Variants in SCAPER observed in about 807,000 individuals in gnomAD.
SCAPER encodes the protein S phase cyclin A-associated protein in the endoplasmic reticulum.
In SCAPER, 98 loss-of-function variants were observed where a neutral mutation model predicts 182.2. The observed-to-expected ratio is 0.54, with a 90% CI of 0.46 to 0.64. The LOEUF (loss-of-function observed/expected upper bound fraction) is 0.64. Among genes scored for constraint, SCAPER ranks in the 30% least tolerant of loss-of-function variants. The probability of loss-of-function intolerance (pLI) is 0.00; values close to 1 mark genes in which losing one functional copy is unlikely to be tolerated. For missense variants in SCAPER, 1,432 were observed against 1,690.0 expected (o/e 0.85, Z 2.68); for synonymous variants, 605 against 564.6 (o/e 1.07, Z -1.01).
chr15:76,434,828 T>C (rs2047091171), intron 25 of SCAPER, among the ~76,000 whole-genome samples: 2 of 152,178 alleles, frequency 1.3e-5, no homozygotes, highest in African/African-American at 2.4e-5. Flanking sequence ...CAGCTCTCTT[T>C]GTGTATAGTT....
chr15:76,702,028 G>C (rs2058980261), intron 19 of SCAPER, among the ~76,000 whole-genome samples, 163 bp from the exon 20 acceptor site: 1 of 151,928 alleles, frequency 6.6e-6, no homozygotes, highest in African/African-American at 2.4e-5. Flanking sequence ...GAATCCTCTA[G>C]AAGGCAAATG....
chr15:76,387,242 T>G (rs1417992394), intron 27 of SCAPER, among the ~76,000 whole-genome samples: 1 of 152,200 alleles, frequency 6.6e-6, no homozygotes, highest in African/African-American at 2.4e-5. Context: ...AGAGCGCATG[T>G]CTCAGGAGGA....
intron 25 of SCAPER, among the ~76,000 whole-genome samples, chr15:76,457,140 G>A (rs572705897): frequency 2.0e-3 from 299 of 151,442 alleles, no homozygotes; most frequent in Non-Finnish European, 3.1e-3. Flanking sequence ...TTGGCTCGCC[G>A]CAACCTCCGC....
At chr15:76,452,217 T>C (rs1307062247) in intron 25 of SCAPER, among the ~76,000 whole-genome samples, 1 of 152,246 alleles carries the variant, frequency 6.6e-6, no homozygotes, top group Non-Finnish European at 1.5e-5. Context: ...CCAAGTCTTG[T>C]ATTTCCAGGC....
rs531455365 is a variant in SCAPER, at chr15:76,586,643, C to T, written c.2712-12359G>A. On this transcript the variant is annotated intron_variant, in intron 22 of 31. Transcript: ENST00000563290. ...GTGTGTATATTACATATACAGTTAT[C>T]CTTGGTATCCGTTTGGGGATGGTTT... is the stretch of plus-strand genomic sequence containing the variant. 23 of 153,734 alleles carry T rather than the reference C, an allele frequency of 1.5e-4. 1 individual carries two copies. The highest frequency in any genetic ancestry group is 1.3e-3 in the Admixed American group (20 of 15,300). 9.5% of individuals were successfully genotyped at this position (153,734 alleles called of 1,614,324 possible).
intron 21 of SCAPER, among the ~76,000 whole-genome samples, chr15:76,641,970 T>C (rs1036308491): frequency 6.6e-6 from 1 of 152,220 alleles, no homozygotes; most frequent in Non-Finnish European, 1.5e-5. Context: ...TTAATAGCTA[T>C]GAAGTTTTAG....
At chr15:76,506,219 T>C (rs1169823988) in intron 23 of SCAPER, among the ~76,000 whole-genome samples, 2 of 152,140 alleles carry the variant, frequency 1.3e-5, no homozygotes, top group Non-Finnish European at 2.9e-5. Flanking sequence ...ATATAATCAA[T>C]AATAATTTAA....
intron 6 of SCAPER, 67 bp downstream of exon 6, chr15:76,804,466 G>A: frequency 9.7e-7 from 1 of 1,033,224 alleles, no homozygotes. Flanking sequence ...TAAGTTTATT[G>A]TCCGTTTCAG....
chr15:76,812,793 T>G (rs2066736700), intron 5 of SCAPER, among the ~76,000 whole-genome samples: 1 of 151,504 alleles, frequency 6.6e-6, no homozygotes, highest in Admixed American at 6.6e-5. Flanking sequence ...ACTGAAATAG[T>G]ATCAAAAACT....
chr15:76,487,148 C>T (rs904654843), intron 24 of SCAPER, among the ~76,000 whole-genome samples: 2 of 152,028 alleles, frequency 1.3e-5, no homozygotes, highest in African/African-American at 4.8e-5. Context: ...CACATGGACA[C>T]ACAGAGGGGA....
At chr15:76,617,494 G>C (rs1265926637) in intron 22 of SCAPER, among the ~76,000 whole-genome samples, 1 of 152,148 alleles carries the variant, frequency 6.6e-6, no homozygotes, top group African/African-American at 2.4e-5. Context: ...GGCTCAGCTA[G>C]ATAATTCTTC....
At chr15:76,765,287 G>C in intron 13 of SCAPER, 50 bp downstream of exon 13, 3 of 1,409,770 alleles carry the variant, frequency 2.1e-6, no homozygotes, top group Non-Finnish European at 3.0e-6. Context: ...GTCAAGAGTG[G>C]CTAGTTTCCT....
chr15:76,778,143 A>C (rs1177659402), intron 8 of SCAPER, among the ~76,000 whole-genome samples: 1 of 152,190 alleles, frequency 6.6e-6, no homozygotes, highest in African/African-American at 2.4e-5. Context: ...GTTGGGACTC[A>C]TATGTATAAT....
intron 8 of SCAPER, among the ~76,000 whole-genome samples, chr15:76,778,641 GTA>G (rs1003392420): frequency 4.9e-5 from 7 of 144,310 alleles, no homozygotes; most frequent in Non-Finnish European, 7.6e-5. Context: ...AAGTGTGAGT[GTA>G]TGTGTGTGTG....
At chr15:76,580,710 G>C (rs2048207804) in intron 22 of SCAPER, among the ~76,000 whole-genome samples, 1 of 152,028 alleles carries the variant, frequency 6.6e-6, no homozygotes, top group South Asian at 2.1e-4. Context: ...TATCAAAGAA[G>C]TAGAAAAACT....
At chr15:76,880,710 C>A in intron 2 of SCAPER, among the ~76,000 whole-genome samples, 1 of 148,984 alleles carries the variant, frequency 6.7e-6, no homozygotes, top group African/African-American at 2.5e-5. Flanking sequence ...GGATATATTG[C>A]TAAGTGAAAA....
At chr15:76,551,788 A>G (rs1287787801) in intron 23 of SCAPER, among the ~76,000 whole-genome samples, 2 of 152,312 alleles carry the variant, frequency 1.3e-5, no homozygotes, top group South Asian at 4.1e-4. Flanking sequence ...ATATACATGT[A>G]TTAAAATATC....
At chr15:76,862,726 T>C (rs2071977062) in intron 2 of SCAPER, among the ~76,000 whole-genome samples, 193 bp from the exon 3 acceptor site, 1 of 152,138 alleles carries the variant, frequency 6.6e-6, no homozygotes, top group African/African-American at 2.4e-5. Flanking sequence ...TTTGTAACTC[T>C]AAAAAATAAA....
intron 8 of SCAPER, among the ~76,000 whole-genome samples, chr15:76,776,594 A>T (rs190903175): frequency 1.1e-4 from 16 of 152,256 alleles, no homozygotes; most frequent in Non-Finnish European, 1.8e-4. Context: ...GATTTGTTTG[A>T]CACTGGGATT....
Sources: gnomAD v4.1 joint callset for allele counts (sites outside exome capture counted in the v4.1 genomes callset) on GRCh38, gnomAD v4.1.1 for gene constraint, MANE v1.5 for transcripts, NCBI Gene and HGNC (gene_info 2026-07-23, HGNC 2026-07-21) for gene names.